Variants in WWOX observed in about 807,000 individuals in gnomAD.
The protein encoded by WWOX is WW domain-containing oxidoreductase.
Under a neutral mutation model 46.2 loss-of-function variants are expected in WWOX, and 69 were observed. The observed-to-expected ratio is 1.49, with a 90% CI of 1.23 to 1.82. The LOEUF is 1.82. Among genes scored for constraint, WWOX ranks in the 40% most tolerant of loss-of-function variants. WWOX has a pLI of 0.00. For missense variants in WWOX, 919 were observed against 542.6 expected (o/e 1.69, Z -6.89); for synonymous variants, 359 against 202.6 (o/e 1.77, Z -6.56).
chr16:78,933,352 C>G (rs866933271), intron 8 of WWOX, among the ~76,000 whole-genome samples: 1 of 152,124 alleles, frequency 6.6e-6, no homozygotes, highest in South Asian at 2.1e-4. Flanking sequence ...GGCAGGAGAA[C>G]TGCTCGAACC....
At chr16:78,943,373 T>C (rs1028753921) in intron 8 of WWOX, among the ~76,000 whole-genome samples, 29 of 152,002 alleles carry the variant, frequency 1.9e-4, no homozygotes, top group Non-Finnish European at 4.4e-5. Flanking sequence ...TCACTAACTG[T>C]TCATCTCCTC....
At chr16:78,631,557 G>C (rs76762286) in intron 8 of WWOX, among the ~76,000 whole-genome samples, 1 of 58,306 alleles carries the variant, frequency 1.7e-5, no homozygotes, top group African/African-American at 5.3e-5. Context: ...TTTTTTTTTT[G>C]AGACAGGGTC....
intron 2 of WWOX, among the ~76,000 whole-genome samples, chr16:78,109,562 C>T (rs543154909): frequency 9.9e-5 from 15 of 151,944 alleles, no homozygotes; most frequent in African/African-American, 3.4e-4. Flanking sequence ...AGGTTTTCTT[C>T]AAAACAAGAG....
At chr16:78,526,245 C>G (rs955599459) in intron 8 of WWOX, 2 of 152,420 alleles carry the variant, frequency 1.3e-5, no homozygotes, top group African/African-American at 2.4e-5. Flanking sequence ...CCGGAGGCCA[C>G]TCCTAATTGC....
At chr16:78,202,985 A>C (rs1402635586) in intron 5 of WWOX, among the ~76,000 whole-genome samples, 1 of 152,236 alleles carries the variant, frequency 6.6e-6, no homozygotes. Context: ...GTTCCTGCAC[A>C]GGCTGTCTGC....
intron 8 of WWOX, among the ~76,000 whole-genome samples, chr16:78,822,966 G>C (rs1392416702): frequency 2.6e-5 from 4 of 152,134 alleles, no homozygotes; most frequent in Non-Finnish European, 4.4e-5. Context: ...GAGAAAAGAG[G>C]CTTCGTGTTG....
chr16:78,585,911 T>C (rs1359833001), intron 8 of WWOX, among the ~76,000 whole-genome samples: 2 of 151,994 alleles, frequency 1.3e-5, no homozygotes, highest in African/African-American at 4.8e-5. Flanking sequence ...CTTCAGAGGT[T>C]TGGTGATCAG....
In WWOX at chr16:78,932,415, A is replaced by G. The variant is rs2045642992; in HGVS notation, c.1057-279193A>G. Among the ~76,000 whole-genome samples the G allele has an allele frequency of 1.3e-5, 2 of 152,186 alleles. 1 individual carries two copies. Among genetic ancestry groups the G allele is most frequent in the Non-Finnish European group, 2.9e-5 (2 of 68,032 alleles). ...AGACAGCCTATGCCTGGATAAGAAC[A>G]TGCTGCGTCAGAGAGTTCTTTTTCA... On this transcript the variant is annotated intron_variant, in intron 8 of 8. Transcript: ENST00000566780.
At chr16:79,123,464 C>T (rs564465331) in intron 8 of WWOX, among the ~76,000 whole-genome samples, 26 of 152,260 alleles carry the variant, frequency 1.7e-4, no homozygotes, top group African/African-American at 6.3e-4. Context: ...CTTTTTCCTG[C>T]TTGCCAGACA....
At chr16:78,758,937 CAAAAA>C (rs56184923) in intron 8 of WWOX, among the ~76,000 whole-genome samples, 1 of 90,158 alleles carries the variant, frequency 1.1e-5, no homozygotes, top group African/African-American at 3.7e-5. Flanking sequence ...CCACAAAAGA[CAAAAA>C]AAAAAAAAAC....
intron 4 of WWOX, among the ~76,000 whole-genome samples, chr16:78,126,099 A>G (rs1055403114): frequency 6.6e-6 from 1 of 152,138 alleles, no homozygotes; most frequent in African/African-American, 2.4e-5. Context: ...TAAATACTCC[A>G]CATCTTAAAT....
intron 8 of WWOX, among the ~76,000 whole-genome samples, chr16:79,177,495 A>G (rs146956222): frequency 3.1e-4 from 47 of 152,300 alleles, no homozygotes; most frequent in African/African-American, 1.1e-3. Flanking sequence ...TTATGGGGTC[A>G]TTACAGATCC....
At chr16:78,156,280 G>C (rs1424723769) in intron 4 of WWOX, among the ~76,000 whole-genome samples, 1 of 151,804 alleles carries the variant, frequency 6.6e-6, no homozygotes, top group Non-Finnish European at 1.5e-5. Flanking sequence ...TTTGTCAAGT[G>C]AGATAGCAGG....
At chr16:79,161,931 G>A (rs1192482749) in intron 8 of WWOX, among the ~76,000 whole-genome samples, 1 of 152,210 alleles carries the variant, frequency 6.6e-6, no homozygotes, top group East Asian at 1.9e-4. Context: ...GCCTTGGAAA[G>A]GCCAAGAGAA....
chr16:79,153,231 T>A (rs1359141503), intron 8 of WWOX, among the ~76,000 whole-genome samples: 3 of 152,116 alleles, frequency 2.0e-5, no homozygotes, highest in African/African-American at 7.2e-5. Context: ...TGCGAAAAGA[T>A]TCCAGCACTA....
chr16:79,070,815 T>C (rs1044249607), intron 8 of WWOX, among the ~76,000 whole-genome samples: 1 of 152,228 alleles, frequency 6.6e-6, no homozygotes, highest in Non-Finnish European at 1.5e-5. Context: ...CTCATCTCTT[T>C]AGATTAGTGA....
intron 5 of WWOX, among the ~76,000 whole-genome samples, chr16:78,238,339 A>T (rs2037511576): frequency 6.6e-6 from 1 of 152,086 alleles, no homozygotes. Context: ...TCACTTCATC[A>T]CCCAGGCTGG....
At chr16:78,102,012 C>G (rs773767833) in intron 1 of WWOX, among the ~76,000 whole-genome samples, 1 of 152,086 alleles carries the variant, frequency 6.6e-6, no homozygotes, top group Non-Finnish European at 1.5e-5. Flanking sequence ...CCTTCACTTC[C>G]TGGGCTCAAG....
At chr16:78,725,439 C>G (rs148728159) in intron 8 of WWOX, among the ~76,000 whole-genome samples, 1 of 149,032 alleles carries the variant, frequency 6.7e-6, no homozygotes, top group African/African-American at 2.5e-5. Flanking sequence ...ACTCCACTTC[C>G]CGGATTTAAG....
Sources: gnomAD v4.1 joint callset for allele counts (sites outside exome capture counted in the v4.1 genomes callset) on GRCh38, gnomAD v4.1.1 for gene constraint, MANE v1.5 for transcripts, NCBI Gene and HGNC (gene_info 2026-07-23, HGNC 2026-07-21) for gene names.